GARS1: variants seen among roughly 807,000 people sequenced by gnomAD.
The protein encoded by GARS1 is glycyl-tRNA synthetase 1, also known as glycine--tRNA ligase.
GARS1 carries 46 observed loss-of-function variants against 86.4 expected under a neutral mutation model. That is an observed-to-expected ratio of 0.53 (90% CI 0.42 to 0.68). The LOEUF (loss-of-function observed/expected upper bound fraction) is 0.68. Among genes scored for constraint, GARS1 ranks in the 30% least tolerant of loss-of-function variants. The pLI, the probability that GARS1 is intolerant of heterozygous loss-of-function variation, is 0.00. For missense variants in GARS1, 797 were observed against 915.6 expected (o/e 0.87, Z 1.67); for synonymous variants, 342 against 329.8 (o/e 1.04, Z -0.40).
Position 30,621,515 on chromosome 7 carries a change from C to T in GARS1, c.1467+15C>T. On this transcript the variant is annotated intron_variant, in intron 11 of 16. Coordinates refer to ENST00000389266, the MANE Select transcript of GARS1 (RefSeq NM_002047.4). Reference sequence around the variant, plus strand: ...TGAAAGAACCCATATCCTTTCTGGTCACTCCAAAAACTCAGGATTCACATG... The same window carrying T: ...TGAAAGAACCCATATCCTTTCTGGTTACTCCAAAAACTCAGGATTCACATG... The T allele has an allele frequency of 6.3e-7, 1 of 1,592,574 alleles. No homozygotes were observed. Among genetic ancestry groups the T allele is most frequent in the East Asian group, 2.2e-5 (1 of 44,800 alleles).
chr7:30,602,181 C>T (rs60584748), intron 4 of GARS1, among the ~76,000 whole-genome samples: 13 of 152,160 alleles, frequency 8.5e-5, no homozygotes, highest in East Asian at 1.9e-4. Flanking sequence ...CTCCGCCTCT[C>T]GGGTTCACGC....
At chr7:30,633,567 T>C (rs554362753) in intron 16 of GARS1, among the ~76,000 whole-genome samples, 168 bp from the exon 17 acceptor site, 2 of 152,308 alleles carry the variant, frequency 1.3e-5, no homozygotes, top group Admixed American at 1.3e-4. Flanking sequence ...GTGGCAGAAT[T>C]GAGTTGTCTG....
intron 4 of GARS1, 111 bp from the exon 5 acceptor site, chr7:30,602,923 G>C: frequency 1.3e-6 from 1 of 790,172 alleles, no homozygotes; most frequent in Admixed American, 1.9e-5. Context: ...AGATATGGGA[G>C]CTTCCATCTT....
chr7:30,605,351 A>G (rs983713501), intron 6 of GARS1, among the ~76,000 whole-genome samples: 2 of 152,258 alleles, frequency 1.3e-5, no homozygotes, highest in Non-Finnish European at 2.9e-5. Context: ...TGGATGTTCC[A>G]GTTTTAAAAA....
At chr7:30,600,076 A>G (rs770735230) in intron 3 of GARS1, 27 bp downstream of exon 3, 1 of 1,500,694 alleles carries the variant, frequency 6.7e-7, no homozygotes, top group Admixed American at 1.7e-5. Flanking sequence ...AAAAAGAACT[A>G]TTGTGTTGTT....
At chr7:30,609,462 A>T in intron 6 of GARS1, 123 bp from the exon 7 acceptor site, 1 of 789,034 alleles carries the variant, frequency 1.3e-6, no homozygotes, top group Non-Finnish European at 2.2e-6. Context: ...AGGTTAGGTT[A>T]ATTGTGATGT....
chr7:30,633,967 C>A lies in GARS1; in HGVS notation c.*107C>A. The A allele has an allele frequency of 5.2e-6, 7 of 1,356,234 alleles. No homozygotes were observed. Among genetic ancestry groups the A allele is most frequent in the Non-Finnish European group, 6.1e-6 (6 of 990,132 alleles). 84.0% of individuals were successfully genotyped at this position (1,356,234 alleles called of 1,614,324 possible). The stretch of plus-strand genomic sequence containing the variant: ...CAGCATTGTGATTACTCCCAGGGAC[C>A]GTATTTTATCTTCAGTGGCTGCCTG... On this transcript the variant is annotated 3_prime_UTR_variant, in exon 17 of 17. Transcript: ENST00000389266.
chr7:30,597,926 A>C (rs187401401), intron 1 of GARS1, among the ~76,000 whole-genome samples: 254 of 152,318 alleles, frequency 1.7e-3, no homozygotes, highest in Non-Finnish European at 2.7e-3. Context: ...CAGATGACCT[A>C]TTCCACCATA....
At position 30,622,327 on chromosome 7, in the gene GARS1, A is replaced by G. The variant is rs538571144; in HGVS notation, c.1478A>G (p.Asn493Ser). Residue 493 changes from asparagine to serine, a missense_variant, in exon 12 of 17, where the codon AAT (asparagine) becomes AGT (serine). Asn to Ser is a conservative substitution (Grantham distance 46). Coordinates refer to ENST00000389266, the MANE Select transcript of GARS1 (RefSeq NM_002047.4). The part of the protein sequence containing the change: ...EKPLKEPKTV[N>S]VVQFEPSKGA... ...TTGACTACTTCATACAAAACAGTCA[A>G]TGTTGTTCAGTTTGAACCCAGTAAG... The G allele has an allele frequency of 4.0e-5, 65 of 1,614,132 alleles. No homozygotes were observed. The highest frequency in any genetic ancestry group is 3.3e-4 in the Middle Eastern group (2 of 6,062).
chr7:30,595,169 A>G, intron 1 of GARS1, 26 bp downstream of exon 1: 1 of 1,529,128 alleles, frequency 6.5e-7, no homozygotes, highest in Non-Finnish European at 8.8e-7. Flanking sequence ...GCTCTCCGCT[A>G]AGCCTCCGGC....
intron 1 of GARS1, chr7:30,595,817 T>C (rs1453205546): frequency 2.1e-6 from 1 of 471,212 alleles, no homozygotes; most frequent in South Asian, 1.5e-5. Context: ...TTCTGGCTTC[T>C]GAAAAGGCCG....
chr7:30,620,761 C>G (rs1173683263), intron 10 of GARS1, among the ~76,000 whole-genome samples: 1 of 152,120 alleles, frequency 6.6e-6, no homozygotes, highest in Non-Finnish European at 1.5e-5. Flanking sequence ...TGAATTGAAT[C>G]CAAATGCCCA....
Position 30,616,077 on chromosome 7 carries a change from C to G in GARS1, c.1194+19C>G. 3.1e-6 allele frequency: 5 copies of G among 1,613,950 alleles called. No individual in the cohort carries two copies. Among genetic ancestry groups the G allele is most frequent in the Non-Finnish European group, 3.4e-6 (4 of 1,179,900 alleles). The stretch of plus-strand genomic sequence containing the variant: ...TGAACAGGTAGGATTCTGGAGGTAA[C>G]TTAACTTAGATTGTGCCTGTTCAGG... On this transcript the variant is annotated intron_variant, in intron 9 of 16. Coordinates refer to ENST00000389266, the MANE Select transcript of GARS1 (RefSeq NM_002047.4).
At position 30,621,420 on chromosome 7, in the gene GARS1, G is replaced by T. The variant is rs1554339284; in HGVS notation, c.1387G>T (p.Asp463Tyr). Reference sequence around the variant, plus strand: ...TTGGATTGAGATTGTTGGATGTGCTGATCGTTCCTGTTATGACCTCTCCTG... The same window carrying T: ...TTGGATTGAGATTGTTGGATGTGCTTATCGTTCCTGTTATGACCTCTCCTG... ...YGWIEIVGCA[D>Y]RSCYDLSCHA... is the part of the protein sequence containing the mutation. Residue 463 changes from aspartate to tyrosine, a missense_variant, in exon 11 of 17, where the codon GAT becomes TAT. Asp to Tyr is a radical substitution (Grantham distance 160). This residue lies in a region of GARS1 where 598 missense variants were observed against 738.7 expected (regional missense o/e 0.81). Coordinates refer to ENST00000389266, the MANE Select transcript of GARS1 (RefSeq NM_002047.4). The T allele has an allele frequency of 6.2e-7, 1 of 1,614,142 alleles. No individual in the cohort carries two copies. The highest frequency in any genetic ancestry group is 2.2e-5 in the East Asian group (1 of 44,884).
intron 1 of GARS1, among the ~76,000 whole-genome samples, chr7:30,595,554 C>T (rs1791229338): frequency 6.6e-6 from 1 of 152,178 alleles, no homozygotes; most frequent in African/African-American, 2.4e-5. Flanking sequence ...TTTGTGCACC[C>T]TGGGTGGAAA....
At chr7:30,615,587 C>G (rs539832045) in intron 8 of GARS1, among the ~76,000 whole-genome samples, 1 of 152,272 alleles carries the variant, frequency 6.6e-6, no homozygotes, top group East Asian at 1.9e-4. Flanking sequence ...GAAGTTAGAT[C>G]ATGTTTATTT....
At chr7:30,618,469 A>G (rs1429329637) in intron 10 of GARS1, among the ~76,000 whole-genome samples, 1 of 152,170 alleles carries the variant, frequency 6.6e-6, no homozygotes. Context: ...CCCTGTCTCT[A>G]CAAAAAATAC....
At chr7:30,603,593 A>G in intron 6 of GARS1, 21 bp downstream of exon 6, 1 of 1,559,140 alleles carries the variant, frequency 6.4e-7, no homozygotes, top group Non-Finnish European at 8.8e-7. Context: ...TAGAGATGTT[A>G]TCAGAGTAAC....
intron 6 of GARS1, 145 bp from the exon 7 acceptor site, chr7:30,609,440 T>C: frequency 3.0e-6 from 2 of 677,378 alleles, no homozygotes; most frequent in South Asian, 1.7e-5. Context: ...GGTTTTAATG[T>C]GGGTGTCCTG....
Sources: allele counts gnomAD v4.1 joint callset (sites outside exome capture counted in the v4.1 genomes callset), GRCh38; gene constraint gnomAD v4.1.1; regional missense constraint gnomAD v4.1.1; transcripts MANE v1.5; gene names NCBI Gene and HGNC (gene_info 2026-07-23, HGNC 2026-07-21).